NRG1: variants seen among roughly 807,000 people sequenced by gnomAD.
NRG1 encodes the protein neuregulin 1, also known as pro-neuregulin-1, membrane-bound isoform.
Under a neutral mutation model 63.8 loss-of-function variants are expected in NRG1, and 18 were observed. That is an observed-to-expected ratio of 0.28 (90% CI 0.19 to 0.42). The LOEUF (loss-of-function observed/expected upper bound fraction) is 0.42, where lower values mean the gene tolerates loss of function less well. Among genes scored for constraint, NRG1 ranks in the 10% least tolerant of loss-of-function variants. The probability of loss-of-function intolerance (pLI) is 1.00; values close to 1 mark genes in which losing one functional copy is unlikely to be tolerated. For missense variants in NRG1, 762 were observed against 814.7 expected, an observed-to-expected ratio of 0.94 and a Z score of 0.79; for synonymous variants, 302 against 301.3, an observed-to-expected ratio of 1.00 and a Z score of -0.02.
At chr8:32,075,144 A>T (rs1826306629) in intron 1 of NRG1, among the ~76,000 whole-genome samples, 1 of 152,350 alleles carries the variant, frequency 6.6e-6, no homozygotes, top group South Asian at 2.1e-4. Context: ...TGTAAATGTT[A>T]GTCCTTGAAT....
At chr8:32,022,024 C>T (rs1414626486) in intron 1 of NRG1, among the ~76,000 whole-genome samples, 1 of 152,042 alleles carries the variant, frequency 6.6e-6, no homozygotes, top group African/African-American at 2.4e-5. Flanking sequence ...TGGGTCTGAG[C>T]ACTTTTATAA....
chr8:31,717,266 G>C (rs933520154), intron 1 of NRG1, among the ~76,000 whole-genome samples: 3 of 152,034 alleles, frequency 2.0e-5, no homozygotes, highest in South Asian at 4.2e-4. Context: ...AATTTGCTGA[G>C]TGTGATGGTG....
chr8:32,723,688 C>CAAAAA (rs530225180), intron 5 of NRG1, among the ~76,000 whole-genome samples: 9 of 33,850 alleles, frequency 2.7e-4, no homozygotes, highest in Admixed American at 9.5e-4. Flanking sequence ...GACTCCATCT[C>CAAAAA]AAAAAAAAAA....
intron 1 of NRG1, among the ~76,000 whole-genome samples, chr8:31,968,671 C>T (rs150309115): frequency 1.2e-3 from 184 of 152,206 alleles, no homozygotes; most frequent in Middle Eastern, 6.8e-3. Context: ...CATATACTAT[C>T]GTAAGTGATT....
At chr8:32,703,488 G>C (rs1258809029) in intron 5 of NRG1, among the ~76,000 whole-genome samples, 1 of 142,650 alleles carries the variant, frequency 7.0e-6, no homozygotes, top group African/African-American at 2.6e-5. Context: ...AGCCATGTTT[G>C]TGCCACTGCA....
At chr8:32,130,794 A>G (rs1178729822) in intron 1 of NRG1, among the ~76,000 whole-genome samples, 1 of 151,864 alleles carries the variant, frequency 6.6e-6, no homozygotes, top group African/African-American at 2.4e-5. Context: ...CCCTTCCCTA[A>G]TTTTCCTAAA....
chr8:32,079,439 T>C (rs1199926682), intron 1 of NRG1, among the ~76,000 whole-genome samples: 1 of 152,208 alleles, frequency 6.6e-6, no homozygotes, highest in Admixed American at 6.5e-5. Flanking sequence ...TAAATGGTAT[T>C]ATCCCAACTT....
intron 1 of NRG1, among the ~76,000 whole-genome samples, chr8:32,416,974 C>G (rs1816011654): frequency 1.3e-5 from 2 of 152,162 alleles, no homozygotes; most frequent in Admixed American, 1.3e-4. Flanking sequence ...CATGAAGTCA[C>G]TGTGCTTGGC....
At chr8:32,037,617 G>C (rs948093597) in intron 1 of NRG1, among the ~76,000 whole-genome samples, 3 of 152,178 alleles carry the variant, frequency 2.0e-5, no homozygotes, top group African/African-American at 7.2e-5. Context: ...ATAAACCCCT[G>C]GCTAGGGATG....
chr8:31,772,634 A>G (rs1265397084), intron 1 of NRG1, among the ~76,000 whole-genome samples: 2 of 152,174 alleles, frequency 1.3e-5, no homozygotes, highest in Non-Finnish European at 2.9e-5. Flanking sequence ...ATGGGAGGTG[A>G]GAAGACCTGG....
At chr8:32,496,139 C>T (rs1375615259) in intron 1 of NRG1, among the ~76,000 whole-genome samples, 1 of 152,090 alleles carries the variant, frequency 6.6e-6, no homozygotes, top group East Asian at 1.9e-4. Context: ...TTTAGCAAAA[C>T]CCCCCAGACA....
intron 1 of NRG1, among the ~76,000 whole-genome samples, chr8:32,488,901 C>T (rs1369187555): frequency 6.6e-6 from 1 of 152,158 alleles, no homozygotes; most frequent in Non-Finnish European, 1.5e-5. Context: ...CTGCAGCAAC[C>T]TCAATTCTTC....
At chr8:32,673,410 A>G (rs1806214340) in intron 5 of NRG1, among the ~76,000 whole-genome samples, 1 of 152,202 alleles carries the variant, frequency 6.6e-6, no homozygotes, top group Non-Finnish European at 1.5e-5. Context: ...CTATAGTGGA[A>G]TCGATTAAAT....
intron 1 of NRG1, among the ~76,000 whole-genome samples, chr8:31,902,684 G>A (rs950366944): frequency 6.6e-6 from 1 of 152,050 alleles, no homozygotes; most frequent in Admixed American, 6.5e-5. Flanking sequence ...ATAATTATTT[G>A]TGTGCAATAT....
At chr8:32,041,183 C>T (rs763913153) in intron 1 of NRG1, among the ~76,000 whole-genome samples, 5 of 152,062 alleles carry the variant, frequency 3.3e-5, no homozygotes, top group Admixed American at 6.6e-5. Context: ...GTGAAGTTAA[C>T]AACAAAAGGC....
chr8:32,741,450 T>C (rs562416260), intron 6 of NRG1, among the ~76,000 whole-genome samples: 2 of 152,318 alleles, frequency 1.3e-5, no homozygotes, highest in African/African-American at 2.4e-5. Flanking sequence ...TTATTTGTAA[T>C]GTCTTTTTAA....
chr8:32,212,004 A>G (rs1844751546), intron 1 of NRG1, among the ~76,000 whole-genome samples: 2 of 152,178 alleles, frequency 1.3e-5, no homozygotes, highest in South Asian at 4.1e-4. Context: ...TCCCAAATAG[A>G]TAAACATTTG....
intron 1 of NRG1, among the ~76,000 whole-genome samples, chr8:32,484,676 G>A (rs191582295): frequency 3.9e-4 from 59 of 151,780 alleles, no homozygotes; most frequent in Non-Finnish European, 7.9e-4. Context: ...CAATAAATAC[G>A]TTCTCAGCTT....
At chr8:32,130,938 A>G (rs1050353579) in intron 1 of NRG1, among the ~76,000 whole-genome samples, 1 of 151,964 alleles carries the variant, frequency 6.6e-6, no homozygotes, top group African/African-American at 2.4e-5. Flanking sequence ...TCATATTTTT[A>G]AAGTCTAAAT....
Sources: gnomAD v4.1 joint callset for allele counts (sites outside exome capture counted in the v4.1 genomes callset) on GRCh38, gnomAD v4.1.1 for gene constraint, MANE v1.5 for transcripts, NCBI Gene and HGNC (gene_info 2026-07-23, HGNC 2026-07-21) for gene names.